The following DOK6 variants were observed in gnomAD, a reference collection of about 807,000 sequenced individuals.
DOK6 encodes docking protein 6, also known as downstream of tyrosine kinase 6.
In DOK6, 22 loss-of-function variants were observed where a neutral mutation model predicts 44.0. The ratio of observed to expected loss-of-function variants is 0.50; its 90% CI spans 0.36 to 0.71. The LOEUF (loss-of-function observed/expected upper bound fraction) is 0.71. Among genes scored for constraint, DOK6 ranks in the 30% least tolerant of loss-of-function variants. The pLI is 0.00. For missense variants in DOK6, 340 were observed against 416.4 expected (o/e 0.82, Z 1.60); for synonymous variants, 166 against 145.5 (o/e 1.14, Z -1.01).
rs1982371796 is a variant in DOK6, at chr18:69,847,514, A to AT, written c.*6138dup. The AT allele has an allele frequency of 6.6e-6, 1 of 152,158 alleles. No homozygotes were observed. The highest frequency in any genetic ancestry group is 2.4e-5 in the African/African-American group (1 of 41,440). 9.4% of individuals were successfully genotyped at this position (152,158 alleles called of 1,614,324 possible). On this transcript the variant is annotated 3_prime_UTR_variant, in exon 8 of 8. Transcript: ENST00000382713. ...AGAAGGAAACTGAGATAATGATTTA[A>AT]TTTTTTTAAGTCACTGCAGGATTTC...
intron 4 of DOK6, among the ~76,000 whole-genome samples, chr18:69,684,213 G>A (rs1007578415): frequency 6.6e-6 from 1 of 152,068 alleles, no homozygotes; most frequent in Non-Finnish European, 1.5e-5. Flanking sequence ...TTCTCACTTG[G>A]TCTTCAATAC....
At chr18:69,713,968 G>T (rs1568341913) in intron 5 of DOK6, among the ~76,000 whole-genome samples, 1 of 152,166 alleles carries the variant, frequency 6.6e-6, no homozygotes, top group Non-Finnish European at 1.5e-5. Flanking sequence ...GTCCCACTAT[G>T]GTGGAGGAAG....
intron 1 of DOK6, among the ~76,000 whole-genome samples, chr18:69,436,479 G>C (rs2122434275): frequency 6.6e-6 from 1 of 152,224 alleles, no homozygotes; most frequent in East Asian, 1.9e-4. Context: ...TCCCTGCAAA[G>C]GACATGAACT....
intron 2 of DOK6, among the ~76,000 whole-genome samples, chr18:69,577,723 G>A (rs1339360284): frequency 6.6e-6 from 1 of 152,170 alleles, no homozygotes; most frequent in Non-Finnish European, 1.5e-5. Flanking sequence ...CTCGAAACCA[G>A]AGATTAGCGA....
chr18:69,586,569 C>CCTCTT (rs530646178), intron 2 of DOK6, among the ~76,000 whole-genome samples: 73 of 152,344 alleles, frequency 4.8e-4, no homozygotes, highest in African/African-American at 1.6e-3. Flanking sequence ...GTTTGAATGA[C>CCTCTT]CTCTTCTGCA....
chr18:69,710,211 A>G (rs532415835), intron 5 of DOK6, among the ~76,000 whole-genome samples: 142 of 152,366 alleles, frequency 9.3e-4, no homozygotes, highest in Non-Finnish European at 1.6e-3. Context: ...TACTATTTTT[A>G]ATAATTTTCA....
At chr18:69,768,037 C>G (rs1019901474) in intron 7 of DOK6, among the ~76,000 whole-genome samples, 3 of 152,104 alleles carry the variant, frequency 2.0e-5, no homozygotes, top group South Asian at 2.1e-4. Flanking sequence ...TGTTCAGTCT[C>G]TATATTTTTC....
At chr18:69,467,857 T>G (rs1979972994) in intron 1 of DOK6, among the ~76,000 whole-genome samples, 1 of 152,146 alleles carries the variant, frequency 6.6e-6, no homozygotes, top group African/African-American at 2.4e-5. Context: ...TGTTGTGATA[T>G]CTGTATTAGA....
chr18:69,525,067 C>T (rs1981792294), intron 1 of DOK6, among the ~76,000 whole-genome samples: 1 of 151,546 alleles, frequency 6.6e-6, no homozygotes. Context: ...TATTATATTT[C>T]TAATTCATTT....
intron 3 of DOK6, among the ~76,000 whole-genome samples, chr18:69,638,546 AG>A (rs1392910696): frequency 1.3e-5 from 2 of 151,284 alleles, no homozygotes; most frequent in African/African-American, 4.9e-5. Context: ...TGAAGTATTT[AG>A]TATTTTCCAA....
intron 1 of DOK6, among the ~76,000 whole-genome samples, chr18:69,446,446 C>T (rs1758077279): frequency 6.6e-6 from 1 of 151,964 alleles, no homozygotes; most frequent in Admixed American, 6.6e-5. Flanking sequence ...TTTCTTAATC[C>T]AGTCTATCAT....
At chr18:69,491,802 A>G (rs1012822783) in intron 1 of DOK6, among the ~76,000 whole-genome samples, 5 of 152,248 alleles carry the variant, frequency 3.3e-5, no homozygotes, top group Admixed American at 6.5e-5. Context: ...TAGGTTGCCC[A>G]GGAATGTTTC....
intron 5 of DOK6, among the ~76,000 whole-genome samples, chr18:69,726,118 G>C (rs1194703307): frequency 6.6e-6 from 1 of 152,188 alleles, no homozygotes; most frequent in Admixed American, 6.5e-5. Flanking sequence ...GGGTTGTCAA[G>C]AATATTCCAT....
chr18:69,501,307 G>T (rs1432732154), intron 1 of DOK6, among the ~76,000 whole-genome samples: 1 of 152,096 alleles, frequency 6.6e-6, no homozygotes, highest in Non-Finnish European at 1.5e-5. Context: ...GTTTGTGTAT[G>T]TTGCTTACTA....
chr18:69,607,248 T>A (rs980611077), intron 3 of DOK6, among the ~76,000 whole-genome samples: 1 of 152,254 alleles, frequency 6.6e-6, no homozygotes, highest in African/African-American at 2.4e-5. Flanking sequence ...GCACTTGATC[T>A]ACTTTGTTGC....
chr18:69,510,335 A>T (rs1427770360), intron 1 of DOK6, among the ~76,000 whole-genome samples: 1 of 152,210 alleles, frequency 6.6e-6, no homozygotes, highest in Non-Finnish European at 1.5e-5. Flanking sequence ...TAATGAAAAC[A>T]TCTTCAATCA....
Position 69,757,753 on chromosome 18 carries a change from T to TA in DOK6, c.739-2dup. The TA allele has an allele frequency of 1.2e-6, 2 of 1,613,400 alleles. No individual in the cohort carries two copies. Among genetic ancestry groups the TA allele is most frequent in the Non-Finnish European group, 1.7e-6 (2 of 1,179,324 alleles). On this transcript the variant is annotated splice_region_variant and splice_polypyrimidine_tract_variant and intron_variant, in intron 6 of 7. Transcript: ENST00000382713. ...GCCTAAAACACATTCTTTTCTCTTT[T>TA]AGCTTCAGACAAGCTTGACTGAACC...
chr18:69,429,880 T>C (rs770485176), intron 1 of DOK6, among the ~76,000 whole-genome samples: 1 of 151,904 alleles, frequency 6.6e-6, no homozygotes, highest in Non-Finnish European at 1.5e-5. Flanking sequence ...GATAAATTGG[T>C]TAAACTATTC....
chr18:69,545,203 G>A (rs1036991085), intron 1 of DOK6, among the ~76,000 whole-genome samples: 2 of 150,952 alleles, frequency 1.3e-5, no homozygotes, highest in South Asian at 2.1e-4. Flanking sequence ...TATTTATTCC[G>A]CATCATTTCA....
Sources: allele counts gnomAD v4.1 joint callset (sites outside exome capture counted in the v4.1 genomes callset), GRCh38; gene constraint gnomAD v4.1.1; transcripts MANE v1.5; gene names NCBI Gene and HGNC (gene_info 2026-07-23, HGNC 2026-07-21).